Variants in COL4A4 observed in about 807,000 individuals in gnomAD.
The protein encoded by COL4A4 is collagen type IV alpha 4 chain, also known as collagen alpha-4(IV) chain.
COL4A4 carries 105 observed loss-of-function variants against 192.9 expected under a neutral mutation model. That is an observed-to-expected ratio of 0.54 (90% CI 0.46 to 0.64). The LOEUF is 0.64. COL4A4 is among the 30% of genes least tolerant of loss of function. The pLI, the probability that COL4A4 is intolerant of heterozygous loss-of-function variation, is 0.00. For synonymous variants in COL4A4, 762 were observed against 769.9 expected (o/e 0.99, Z 0.17); for missense variants, 1,967 against 2,169.3 (o/e 0.91, Z 1.85).
the COL4A4 span, among the ~76,000 whole-genome samples, chr2:226,988,933 A>T: frequency 6.6e-6 from 1 of 152,214 alleles, no homozygotes; most frequent in Non-Finnish European, 1.5e-5. Context: ...ATTTGCAGTG[A>T]GCCTTATTTA....
At position 227,147,660 on chromosome 2, in the gene COL4A4, G is replaced by A. The variant is rs58399462; in HGVS notation, c.-101-76C>T. ...AAAATAATTACTTTCATTTTTTATC[G>A]TTATGGAAATATTTTCTAAAGGGTA... On this transcript the variant is annotated intron_variant, in intron 1 of 47. Coordinates refer to ENST00000396625, the MANE Select transcript of COL4A4 (RefSeq NM_000092.5). 4.9e-3 allele frequency: 2,839 copies of A among 584,478 alleles called. 60 individuals carry two copies. Among genetic ancestry groups the A allele is most frequent in the African/African-American group, 0.046 (2,409 of 52,888 alleles). 36.2% of individuals were successfully genotyped at this position (584,478 alleles called of 1,614,324 possible).
rs912278835 is a variant in COL4A4, at chr2:227,041,860, A to G, written c.3505+288T>C. Among the ~76,000 whole-genome samples, 950 of 91,648 alleles carry G rather than the reference A, an allele frequency of 0.01. 7 individuals are homozygous for G. Among genetic ancestry groups the G allele is most frequent in the African/African-American group, 0.022 (407 of 18,136 alleles). The allele number at this position is 91,648 out of a possible 152,430, so 60.1% of individuals were successfully genotyped here. On this transcript the variant is annotated intron_variant, in intron 37 of 47. Coordinates refer to ENST00000396625, the MANE Select transcript of COL4A4 (RefSeq NM_000092.5). ...AGAAAGAAAGAAAGAGAAAGAAAGA[A>G]AGAAAGAAAGAAAGAAAGAAAGAAA...
At chr2:226,980,420 G>A in the COL4A4 span, among the ~76,000 whole-genome samples, 1 of 152,122 alleles carries the variant, frequency 6.6e-6, no homozygotes, top group African/African-American at 2.4e-5. Flanking sequence ...AAGAGAAAAC[G>A]GGAGATTTGG....
Position 227,052,376 on chromosome 2 carries a change from G to A in COL4A4, c.2897C>T (p.Ala966Val), listed in dbSNP as rs1220486993. 1.2e-6 allele frequency: 2 copies of A among 1,612,356 alleles called. No individual in the cohort carries two copies. Among genetic ancestry groups the A allele is most frequent in the Non-Finnish European group, 1.7e-6 (2 of 1,178,462 alleles). The part of the protein sequence containing the change: ...IGPPGDEGEM[A>V]IISQKGTPGE... Reference sequence around the variant, plus strand: ...AGGTGTTCCCTTTTGTGAAATGATAGCCATTTCTCCTTCATCTCCGGGAGG... The same window carrying A: ...AGGTGTTCCCTTTTGTGAAATGATAACCATTTCTCCTTCATCTCCGGGAGG... Residue 966 changes from alanine (A) to valine (V), a missense_variant, in exon 32 of 48, where the codon GCT (alanine) becomes GTT (valine). By Grantham distance (64) the Ala-to-Val change is moderately conservative. Coordinates refer to ENST00000396625, the MANE Select transcript of COL4A4 (RefSeq NM_000092.5).
chr2:227,046,312 A>G (rs1328829542), intron 35 of COL4A4, among the ~76,000 whole-genome samples: 1 of 150,346 alleles, frequency 6.7e-6, no homozygotes, highest in Non-Finnish European at 1.5e-5. Context: ...AAACACAGCT[A>G]TTGCCAGATG....
chr2:227,127,188 G>T (rs547833760), intron 4 of COL4A4, among the ~76,000 whole-genome samples: 1 of 152,184 alleles, frequency 6.6e-6, no homozygotes, highest in Non-Finnish European at 1.5e-5. Flanking sequence ...TTTTGGCTAC[G>T]TGCGCATGCA....
the COL4A4 span, among the ~76,000 whole-genome samples, chr2:226,987,836 C>T: frequency 2.0e-5 from 3 of 152,334 alleles, no homozygotes; most frequent in African/African-American, 7.2e-5. Context: ...GCTCCAACCA[C>T]CACTTACTGC....
At chr2:227,126,797 A>G (rs537294375) in intron 4 of COL4A4, among the ~76,000 whole-genome samples, 6 of 152,364 alleles carry the variant, frequency 3.9e-5, no homozygotes, top group African/African-American at 1.2e-4. Context: ...ATTTATTCAC[A>G]GCATACAGAG....
chr2:227,094,339 T>C, intron 19 of COL4A4, 50 bp from the exon 20 acceptor site: 1 of 1,573,336 alleles, frequency 6.4e-7, no homozygotes, highest in Non-Finnish European at 8.7e-7. Context: ...AGAGTAAACG[T>C]CTCTGTAGAA....
the COL4A4 span, among the ~76,000 whole-genome samples, chr2:226,994,708 T>A: frequency 6.6e-6 from 1 of 152,198 alleles, no homozygotes; most frequent in Non-Finnish European, 1.5e-5. Context: ...AAGGACTATG[T>A]ATTTTTCTCC....
intron 3 of COL4A4, among the ~76,000 whole-genome samples, chr2:227,141,599 T>C (rs1559727591): frequency 6.6e-6 from 1 of 152,216 alleles, no homozygotes; most frequent in Admixed American, 6.5e-5. Flanking sequence ...AAAATATCTT[T>C]AAGCATTAAT....
At chr2:227,040,879 G>A (rs1970674311) in intron 37 of COL4A4, among the ~76,000 whole-genome samples, 1 of 152,156 alleles carries the variant, frequency 6.6e-6, no homozygotes, top group Non-Finnish European at 1.5e-5. Flanking sequence ...TTTTTCTAAA[G>A]TGGAAGAAAT....
downstream of COL4A4, among the ~76,000 whole-genome samples, chr2:227,002,293 T>C (rs991355206): frequency 5.9e-5 from 9 of 152,170 alleles, no homozygotes; most frequent in African/African-American, 2.2e-4. Flanking sequence ...TGACTTCAAG[T>C]CACAGTGGTT....
At chr2:226,987,575 G>C in the COL4A4 span, among the ~76,000 whole-genome samples, 1 of 152,200 alleles carries the variant, frequency 6.6e-6, no homozygotes, top group South Asian at 2.1e-4. Context: ...TGACGCCTGT[G>C]TCTCACTGGG....
chr2:227,078,011 C>A lies in COL4A4; in HGVS notation c.1870G>T (p.Ala624Ser). The change falls in exon 25 of 48, where the codon GCA becomes TCA. Residue 624 changes from alanine to serine, a missense_variant. Physicochemically the swap from Ala to Ser is moderately conservative, Grantham distance 99. Coordinates refer to ENST00000396625, the MANE Select transcript of COL4A4 (RefSeq NM_000092.5). ...AGTCCTGGGGGCCCCACAGGTCCTGCTTTGCCTGGGGGGCCCAGAGGTCCA... is the reference window on the plus strand; with the variant it reads ...AGTCCTGGGGGCCCCACAGGTCCTGATTTGCCTGGGGGGCCCAGAGGTCCA... ...FPGPLGPPGKAGPVGPPGLGF... is the reference protein window; with the variant it reads ...FPGPLGPPGKSGPVGPPGLGF... The A allele has an allele frequency of 6.2e-7, 1 of 1,614,006 alleles. No homozygotes were observed. Among genetic ancestry groups the A allele is most frequent in the Non-Finnish European group, 8.5e-7 (1 of 1,179,996 alleles).
chr2:227,026,468 C>T lies in COL4A4; in HGVS notation c.4082-658G>A, dbSNP rs1966865318. Among the ~76,000 whole-genome samples, 3 of 149,292 alleles carry T rather than the reference C, an allele frequency of 2.0e-5. No homozygotes were observed. In the South Asian group the frequency reaches 6.3e-4, roughly 31 times the overall value. On this transcript the variant is annotated intron_variant, in intron 42 of 47. Transcript: ENST00000396625. ...GAGCCGAGATCGCACCACTGCACTCCAGCCTGGGTGACAAAGCGAGACTCC... is the reference window on the plus strand; with the variant it reads ...GAGCCGAGATCGCACCACTGCACTCTAGCCTGGGTGACAAAGCGAGACTCC...
chr2:226,969,605 G>GT, the COL4A4 span, among the ~76,000 whole-genome samples: 2 of 152,090 alleles, frequency 1.3e-5, no homozygotes, highest in Non-Finnish European at 2.9e-5. Context: ...ACCAGAAAAC[G>GT]TGAGTCCCGT....
intron 1 of COL4A4, among the ~76,000 whole-genome samples, chr2:227,157,941 AAAGAT>A (rs1207518019): frequency 6.6e-6 from 1 of 152,114 alleles, no homozygotes; most frequent in Non-Finnish European, 1.5e-5. Context: ...CAAAACTGAC[AAAGAT>A]ATTACAGGAA....
intron 42 of COL4A4, among the ~76,000 whole-genome samples, chr2:227,026,491 T>C (rs1314281366): frequency 3.6e-5 from 5 of 137,708 alleles, no homozygotes; most frequent in Admixed American, 7.6e-5. Context: ...AAAGCGAGAC[T>C]CCGTCTCAAA....
Sources: allele counts gnomAD v4.1 joint callset (sites outside exome capture counted in the v4.1 genomes callset), GRCh38; gene constraint gnomAD v4.1.1; transcripts MANE v1.5; gene names NCBI Gene and HGNC (gene_info 2026-07-23, HGNC 2026-07-21).